Variants in HS2ST1 observed in about 807,000 individuals in gnomAD.
The protein encoded by HS2ST1 is 2-O-sulfotransferase.
HS2ST1 carries 18 observed loss-of-function variants against 42.9 expected under a neutral mutation model. The ratio of observed to expected loss-of-function variants is 0.42; its 90% CI spans 0.29 to 0.62. HS2ST1 has a LOEUF of 0.62. Among genes scored for constraint, HS2ST1 ranks in the 20% least tolerant of loss-of-function variants. The pLI, the probability that HS2ST1 is intolerant of heterozygous loss-of-function variation, is 0.21. For missense variants in HS2ST1, 334 were observed against 433.8 expected (o/e 0.77, Z 2.04); for synonymous variants, 146 against 152.9 (o/e 0.95, Z 0.33).
At chr1:86,935,684 A>C (rs1660632349) in intron 1 of HS2ST1, among the ~76,000 whole-genome samples, 1 of 151,842 alleles carries the variant, frequency 6.6e-6, no homozygotes, top group Non-Finnish European at 1.5e-5. Context: ...GGCTAGTCTC[A>C]AACTCCTGGC....
At chr1:86,947,330 T>C (rs891562935) in intron 1 of HS2ST1, among the ~76,000 whole-genome samples, 1 of 152,226 alleles carries the variant, frequency 6.6e-6, no homozygotes, top group African/African-American at 2.4e-5. Context: ...AATGAGACCA[T>C]TATTTATTCT....
chr1:87,008,642 A>T (rs1440654995), intron 1 of HS2ST1, among the ~76,000 whole-genome samples: 1 of 152,192 alleles, frequency 6.6e-6, no homozygotes, highest in African/African-American at 2.4e-5. Context: ...AAGTAGGTAA[A>T]TTTATTAGGA....
chr1:87,055,371 C>G (rs539361993), intron 1 of HS2ST1, among the ~76,000 whole-genome samples: 2 of 152,164 alleles, frequency 1.3e-5, no homozygotes, highest in Non-Finnish European at 2.9e-5. Context: ...ACCTTAGCCA[C>G]TTCCAATTCC....
chr1:87,013,420 G>C (rs1436723584), intron 1 of HS2ST1, among the ~76,000 whole-genome samples: 1 of 152,202 alleles, frequency 6.6e-6, no homozygotes, highest in Non-Finnish European at 1.5e-5. Flanking sequence ...TTTTAGCCAT[G>C]GCTAGGAAGC....
chr1:86,919,450 C>T (rs1179052341), intron 1 of HS2ST1, among the ~76,000 whole-genome samples: 1 of 152,098 alleles, frequency 6.6e-6, no homozygotes, highest in African/African-American at 2.4e-5. Context: ...TTACATTTGG[C>T]TCTTTAAACC....
rs373684867 is a variant in HS2ST1 at position 87,097,815 on chromosome 1, G to C, written c.589-23G>C. The C allele has an allele frequency of 5.6e-6, 9 of 1,613,274 alleles. No individual in the cohort carries two copies. The Admixed American group carries it at 1.0e-4, about 18-fold the overall frequency. Reference sequence around the variant, plus strand: ...TGAGACTTGGATTTATGGCTTACCCGTGCTGCTTTGTCTTTGTTCTAGACC... The same window carrying C: ...TGAGACTTGGATTTATGGCTTACCCCTGCTGCTTTGTCTTTGTTCTAGACC... On this transcript the variant is annotated intron_variant, in intron 4 of 6. Transcript: ENST00000370550.
intron 1 of HS2ST1, among the ~76,000 whole-genome samples, chr1:86,990,762 C>T (rs1473266743): frequency 7.2e-6 from 1 of 139,656 alleles, no homozygotes; most frequent in East Asian, 2.1e-4. Flanking sequence ...TCCTGCCTCA[C>T]CTCCCGAGTA....
intron 4 of HS2ST1, among the ~76,000 whole-genome samples, chr1:87,094,297 GT>G (rs1461533864): frequency 3.9e-5 from 6 of 151,948 alleles, no homozygotes; most frequent in African/African-American, 1.2e-4. Flanking sequence ...TGGTTTTGTG[GT>G]TCCTAGCCTG....
intron 1 of HS2ST1, among the ~76,000 whole-genome samples, chr1:86,938,684 T>C (rs953945718): frequency 3.9e-5 from 6 of 152,168 alleles, no homozygotes; most frequent in Non-Finnish European, 8.8e-5. Context: ...ATTTTTTCTG[T>C]GTGTCATTCA....
chr1:86,985,467 C>T lies in HS2ST1; in HGVS notation c.124+70307C>T, dbSNP rs796941402. ...ACACATATATACACACATATATACA[C>T]ATATATACACATATATACACATATA... is the stretch of plus-strand genomic sequence containing the variant. On this transcript the variant is annotated intron_variant, in intron 1 of 6. Transcript: ENST00000370550. Among the ~76,000 whole-genome samples the T allele has an allele frequency of 5.6e-3, 389 of 70,068 alleles. 123 individuals are homozygous for T. The highest frequency in any genetic ancestry group is 0.013 in the East Asian group (16 of 1,244). The allele number at this position is 70,068 out of a possible 152,430, so 46.0% of individuals were successfully genotyped here.
At chr1:87,040,954 A>G (rs1276803238) in intron 1 of HS2ST1, among the ~76,000 whole-genome samples, 1 of 152,160 alleles carries the variant, frequency 6.6e-6, no homozygotes, top group Non-Finnish European at 1.5e-5. Flanking sequence ...AGGGTTATTG[A>G]AGGAATTTAC....
At chr1:87,006,462 A>G (rs890477962) in intron 1 of HS2ST1, among the ~76,000 whole-genome samples, 2 of 152,264 alleles carry the variant, frequency 1.3e-5, no homozygotes, top group African/African-American at 4.8e-5. Context: ...ATATATAGGC[A>G]ATGCCTGTCT....
At chr1:86,952,449 G>A (rs1647552617) in intron 1 of HS2ST1, among the ~76,000 whole-genome samples, 1 of 152,092 alleles carries the variant, frequency 6.6e-6, no homozygotes, top group South Asian at 2.1e-4. Flanking sequence ...TGTTGGCCAG[G>A]CTGGTCTTGA....
intron 1 of HS2ST1, among the ~76,000 whole-genome samples, chr1:87,005,383 T>G (rs1649407730): frequency 6.6e-6 from 1 of 152,076 alleles, no homozygotes; most frequent in Non-Finnish European, 1.5e-5. Context: ...TTTTGTTATT[T>G]TAACTAATTG....
At chr1:86,940,666 A>C (rs1660742158) in intron 1 of HS2ST1, among the ~76,000 whole-genome samples, 1 of 152,184 alleles carries the variant, frequency 6.6e-6, no homozygotes, top group Non-Finnish European at 1.5e-5. Flanking sequence ...TTAAACTAAA[A>C]TTCTCATATG....
At chr1:87,015,195 C>T (rs530212258) in intron 1 of HS2ST1, among the ~76,000 whole-genome samples, 20 of 151,986 alleles carry the variant, frequency 1.3e-4, no homozygotes, top group East Asian at 5.8e-4. Context: ...ACTACAGACA[C>T]GCCCCACTAA....
intron 5 of HS2ST1, 49 bp downstream of exon 5, chr1:87,097,984 T>TATAATC: frequency 1.9e-6 from 3 of 1,611,712 alleles, no homozygotes; most frequent in Non-Finnish European, 2.5e-6. Flanking sequence ...TTATTATCTC[T>TATAATC]GTAATCTGTG....
At chr1:87,079,418 G>A (rs188065095) in intron 2 of HS2ST1, among the ~76,000 whole-genome samples, 4 of 152,256 alleles carry the variant, frequency 2.6e-5, no homozygotes, top group South Asian at 4.1e-4. Context: ...GATTATAGGC[G>A]TGAGCCACTG....
At chr1:86,998,801 T>C (rs1649185342) in intron 1 of HS2ST1, among the ~76,000 whole-genome samples, 1 of 152,346 alleles carries the variant, frequency 6.6e-6, no homozygotes, top group Non-Finnish European at 1.5e-5. Flanking sequence ...TTAAGGCTGA[T>C]TTATAGAAAT....
Sources: gnomAD v4.1 joint callset for allele counts (sites outside exome capture counted in the v4.1 genomes callset) on GRCh38, gnomAD v4.1.1 for gene constraint, MANE v1.5 for transcripts, NCBI Gene and HGNC (gene_info 2026-07-23, HGNC 2026-07-21) for gene names.